The following PMS1 variants were observed in gnomAD, a reference collection of about 807,000 sequenced individuals.
The protein encoded by PMS1 is PMS1 homolog 1, mismatch repair system component.
Under a neutral mutation model 93.1 loss-of-function variants are expected in PMS1, and 79 were observed. The observed-to-expected ratio is 0.85, with a 90% CI of 0.71 to 1.02. The LOEUF (loss-of-function observed/expected upper bound fraction) is 1.02. PMS1 is among the 50% of genes least tolerant of loss of function. The pLI, the probability that PMS1 is intolerant of heterozygous loss-of-function variation, is 0.00. For synonymous variants in PMS1, 335 were observed against 363.4 expected (o/e 0.92, Z 0.89); for missense variants, 1,064 against 1,085.3 (o/e 0.98, Z 0.28).
At chr2:189,855,265 AC>A in intron 9 of PMS1, 137 bp downstream of exon 9, 1 of 694,084 alleles carries the variant, frequency 1.4e-6, no homozygotes, top group Non-Finnish European at 2.4e-6. Context: ...TGGATAGAGT[AC>A]CTTTTTTGGT....
At chr2:189,843,190 G>A (rs868647333) in intron 5 of PMS1, among the ~76,000 whole-genome samples, 1 of 151,628 alleles carries the variant, frequency 6.6e-6, no homozygotes, top group East Asian at 2.0e-4. Flanking sequence ...GCTGATTTTT[G>A]TATTTTTAGT....
chr2:189,814,932 C>A (rs2051151540), intron 4 of PMS1, among the ~76,000 whole-genome samples: 1 of 151,668 alleles, frequency 6.6e-6, no homozygotes, highest in African/African-American at 2.4e-5. Flanking sequence ...CCCGTCTCTA[C>A]CAAAAAAATA....
intron 11 of PMS1, among the ~76,000 whole-genome samples, chr2:189,870,643 A>G (rs1199752484): frequency 6.6e-6 from 1 of 152,242 alleles, no homozygotes; most frequent in Non-Finnish European, 1.5e-5. Flanking sequence ...TGAAATGTGT[A>G]TCATTTTCCA....
chr2:189,808,210 A>G (rs893984283), intron 4 of PMS1, among the ~76,000 whole-genome samples: 1 of 152,074 alleles, frequency 6.6e-6, no homozygotes, highest in African/African-American at 2.4e-5. Flanking sequence ...TTTACTCTTC[A>G]TGTCATCTGA....
At chr2:189,786,857 G>C (rs1013984468) in intron 1 of PMS1, among the ~76,000 whole-genome samples, 1 of 152,132 alleles carries the variant, frequency 6.6e-6, no homozygotes, top group Admixed American at 6.5e-5. Context: ...TTTGAGACCA[G>C]CCTGGCCAAC....
intron 7 of PMS1, 25 bp from the exon 8 acceptor site, chr2:189,853,913 CT>C: frequency 4.3e-6 from 6 of 1,393,418 alleles, no homozygotes. Flanking sequence ...ATTATTTTTT[CT>C]TTTATTTATT....
intron 5 of PMS1, among the ~76,000 whole-genome samples, chr2:189,828,080 C>T (rs953366412): frequency 8.7e-5 from 13 of 149,260 alleles, no homozygotes; most frequent in Admixed American, 2.6e-4. Context: ...CCTACCACCA[C>T]GCCCGGCTAA....
chr2:189,849,717 T>C (rs1054259751), intron 6 of PMS1, among the ~76,000 whole-genome samples: 1 of 152,158 alleles, frequency 6.6e-6, no homozygotes, highest in Non-Finnish European at 1.5e-5. Context: ...CCAGGTATCA[T>C]ATTAGTAATG....
At chr2:189,859,863 T>G (rs1312843202) in intron 9 of PMS1, among the ~76,000 whole-genome samples, 2 of 151,546 alleles carry the variant, frequency 1.3e-5, no homozygotes, top group African/African-American at 4.9e-5. Flanking sequence ...CTTTCTGTTT[T>G]GTGATTATTG....
chr2:189,846,996 G>A (rs1247776044), intron 6 of PMS1, among the ~76,000 whole-genome samples: 2 of 151,430 alleles, frequency 1.3e-5, no homozygotes, highest in Admixed American at 6.6e-5. Flanking sequence ...TGAGTAGCTG[G>A]GATTGCAGGT....
At chr2:189,823,161 A>G (rs1047243978) in intron 5 of PMS1, among the ~76,000 whole-genome samples, 9 of 152,124 alleles carry the variant, frequency 5.9e-5, no homozygotes, top group African/African-American at 2.2e-4. Context: ...TTTAAAAACA[A>G]ATACCCCGTT....
intron 4 of PMS1, chr2:189,806,826 A>G (rs948568590): frequency 1.4e-5 from 3 of 209,668 alleles, no homozygotes; most frequent in Admixed American, 5.9e-5. Context: ...TTAAGAGACT[A>G]TTAAAGCTAT....
chr2:189,828,027 C>T (rs1022015094), intron 5 of PMS1, among the ~76,000 whole-genome samples: 6 of 152,038 alleles, frequency 3.9e-5, no homozygotes, highest in Non-Finnish European at 2.9e-5. Context: ...GGGTTCACGC[C>T]ATTCTCCTGC....
At chr2:189,813,272 G>A (rs575917544) in intron 4 of PMS1, among the ~76,000 whole-genome samples, 1 of 152,342 alleles carries the variant, frequency 6.6e-6, no homozygotes, top group East Asian at 1.9e-4. Flanking sequence ...GTTAGGTGTA[G>A]TATCAAACCC....
chr2:189,828,980 T>C (rs1273462141), intron 5 of PMS1, among the ~76,000 whole-genome samples: 1 of 152,152 alleles, frequency 6.6e-6, no homozygotes, highest in Non-Finnish European at 1.5e-5. Flanking sequence ...CCTCAAATCT[T>C]TTAGCAAATA....
chr2:189,819,333 G>A (rs574091248), intron 5 of PMS1, among the ~76,000 whole-genome samples: 1 of 152,152 alleles, frequency 6.6e-6, no homozygotes, highest in African/African-American at 2.4e-5. Context: ...TGTGAATAAT[G>A]CTGTGATAAA....
intron 4 of PMS1, among the ~76,000 whole-genome samples, chr2:189,814,317 A>G (rs1233271): frequency 1.4e-5 from 2 of 146,960 alleles, no homozygotes; most frequent in African/African-American, 5.0e-5. Context: ...ACCCCCCCCC[A>G]AAAAAAAATC....
intron 7 of PMS1, 26 bp from the exon 8 acceptor site, chr2:189,853,913 C>T: frequency 7.2e-7 from 1 of 1,393,414 alleles, no homozygotes; most frequent in Admixed American, 1.8e-5. Flanking sequence ...ATTATTTTTT[C>T]TTTTATTTAT....
At chr2:189,785,217 G>C (rs916155441) in intron 1 of PMS1, 2 of 152,200 alleles carry the variant, frequency 1.3e-5, no homozygotes, top group Non-Finnish European at 2.9e-5. Flanking sequence ...GTGTATGTCT[G>C]TATCTTGCAT....
Sources: gnomAD v4.1 joint callset for allele counts (sites outside exome capture counted in the v4.1 genomes callset) on GRCh38, gnomAD v4.1.1 for gene constraint, MANE v1.5 for transcripts, NCBI Gene and HGNC (gene_info 2026-07-23, HGNC 2026-07-21) for gene names.